The following GPR180 variants were observed in gnomAD, a reference collection of about 807,000 sequenced individuals.
GPR180 encodes G protein-coupled receptor 180.
GPR180 carries 53 observed loss-of-function variants against 52.6 expected under a neutral mutation model. The ratio of observed to expected loss-of-function variants is 1.01; its 90% CI spans 0.81 to 1.27. The LOEUF (loss-of-function observed/expected upper bound fraction) is 1.27, where lower values mean the gene tolerates loss of function less well. Among genes scored for constraint, GPR180 ranks in the 50% most tolerant of loss-of-function variants. The pLI is 0.00. For synonymous variants in GPR180, 200 were observed against 193.1 expected (o/e 1.04, Z -0.30); for missense variants, 533 against 527.0 (o/e 1.01, Z -0.11).
In GPR180 at chr13:94,633,743, A is replaced by T. The variant is rs1345078050; in HGVS notation, c.*6572A>T. 6.7e-6 allele frequency: 1 copy of T among 148,994 alleles called. No individual in the cohort carries two copies. Among genetic ancestry groups the T allele is most frequent in the Non-Finnish European group, 1.5e-5 (1 of 67,176 alleles). The allele number at this position is 148,994 out of a possible 1,614,324, so 9.2% of individuals were successfully genotyped here. On this transcript the variant is annotated 3_prime_UTR_variant, in exon 9 of 9. Coordinates refer to ENST00000376958, the MANE Select transcript of GPR180 (RefSeq NM_180989.6). ...CTTTCATTTTTTTCTTCTGTGTTCT[A>T]CCTGTTTCACAGGTAGAAAAGCCTT...
intron 3 of GPR180, among the ~76,000 whole-genome samples, chr13:94,615,843 C>T (rs528374465): frequency 1.3e-5 from 2 of 152,282 alleles, no homozygotes; most frequent in Admixed American, 6.5e-5. Flanking sequence ...CTCCATGTCC[C>T]AAAAGACAAT....
chr13:94,609,935 C>T (rs925623730), intron 2 of GPR180, among the ~76,000 whole-genome samples: 3 of 152,120 alleles, frequency 2.0e-5, no homozygotes, highest in Non-Finnish European at 4.4e-5. Context: ...TTCCTAAAGA[C>T]AACCTATAAA....
rs1026075605 is a variant in GPR180, at chr13:94,630,581, A to G, written c.*3410A>G. On this transcript the variant is annotated 3_prime_UTR_variant, in exon 9 of 9. Transcript: ENST00000376958. ...CTCATTACTATGTTCTGCAAGGCCC[A>G]TATGATCTGGTTATCTCTTAATTTG... 6.6e-6 allele frequency: 1 copy of G among 152,234 alleles called. No homozygotes were observed. Among genetic ancestry groups the G allele is most frequent in the African/African-American group, 2.4e-5 (1 of 41,462 alleles). 9.4% of individuals were successfully genotyped at this position (152,234 alleles called of 1,614,324 possible).
chr13:94,610,846 A>G (rs541743775), intron 2 of GPR180, among the ~76,000 whole-genome samples: 1 of 152,204 alleles, frequency 6.6e-6, no homozygotes, highest in Non-Finnish European at 1.5e-5. Flanking sequence ...TTGTGACAAA[A>G]AACTATCCCC....
chr13:94,605,391 G>C lies in GPR180; in HGVS notation c.146G>C (p.Gly49Ala). 6.2e-7 allele frequency: 1 copy of C among 1,613,766 alleles called. No individual in the cohort carries two copies. Among genetic ancestry groups the C allele is most frequent in the Non-Finnish European group, 8.5e-7 (1 of 1,179,912 alleles). ...GQRIGHFEFH[G>A]DHALLCVRIN... ...TGATGATTTTTGTTTTAATGTCAAG[G>C]TGACCATGCTCTTCTGTGTGTCAGA... The change falls in exon 2 of 9, where the codon GGT (glycine) becomes GCT (alanine). Residue 49 changes from glycine (G) to alanine (A), a missense_variant and splice_region_variant. Coordinates refer to ENST00000376958, the MANE Select transcript of GPR180 (RefSeq NM_180989.6).
intron 7 of GPR180, among the ~76,000 whole-genome samples, chr13:94,624,492 G>C (rs1889895996): frequency 6.6e-6 from 1 of 152,210 alleles, no homozygotes; most frequent in Non-Finnish European, 1.5e-5. Flanking sequence ...AGGGACAGTA[G>C]TGCTTATTGT....
rs117543474 is a variant in GPR180, at chr13:94,615,978, A to G, written c.506-3172A>G. ...ACTGTAATGAAATGAATTATCTTAC[A>G]TAACAAGAAGTTTTGCGGCTTCTCC... On this transcript the variant is annotated intron_variant, in intron 3 of 8. Transcript: ENST00000376958. 6.4e-3 allele frequency among the ~76,000 whole-genome samples: 979 copies of G among 152,334 alleles called. 2 individuals carry two copies. The highest frequency in any genetic ancestry group is 0.011 in the Non-Finnish European group (716 of 68,030).
chr13:94,615,202 T>G (rs1566979088), intron 3 of GPR180, among the ~76,000 whole-genome samples: 1 of 152,250 alleles, frequency 6.6e-6, no homozygotes, highest in African/African-American at 2.4e-5. Flanking sequence ...AGTAATGTGT[T>G]TTAAAATACA....
At chr13:94,619,754 G>A (rs764163761) in intron 5 of GPR180, among the ~76,000 whole-genome samples, 1 of 152,118 alleles carries the variant, frequency 6.6e-6, no homozygotes, top group East Asian at 1.9e-4. Context: ...TTCTTACTCC[G>A]TAGCCCAGGC....
chr13:94,622,890 A>T (rs1889869639), intron 6 of GPR180, among the ~76,000 whole-genome samples: 1 of 152,188 alleles, frequency 6.6e-6, no homozygotes, highest in Non-Finnish European at 1.5e-5. Flanking sequence ...AGAATTTTTT[A>T]AAAATCTCTT....
intron 8 of GPR180, among the ~76,000 whole-genome samples, chr13:94,626,792 A>G (rs895959813): frequency 1.3e-5 from 2 of 152,088 alleles, no homozygotes; most frequent in Admixed American, 6.6e-5. Context: ...TTTGTGCCTT[A>G]CTTTGTCATC....
intron 1 of GPR180, among the ~76,000 whole-genome samples, chr13:94,605,075 TATAAA>T (rs1293086280): frequency 1.3e-5 from 2 of 152,138 alleles, no homozygotes; most frequent in African/African-American, 4.8e-5. Flanking sequence ...ATGAATAAAA[TATAAA>T]ATGTGAAGTG....
intron 3 of GPR180, among the ~76,000 whole-genome samples, chr13:94,613,838 G>C (rs1416200390): frequency 2.7e-5 from 4 of 150,546 alleles, no homozygotes; most frequent in Non-Finnish European, 5.9e-5. Flanking sequence ...GCATTGAATG[G>C]ATGGTTGGAC....
chr13:94,627,331 A>G lies in GPR180; in HGVS notation c.*160A>G. On this transcript the variant is annotated 3_prime_UTR_variant, in exon 9 of 9. Transcript: ENST00000376958. The stretch of plus-strand genomic sequence containing the variant: ...GCATTTAAGCAGTACCAAGACTGAA[A>G]AAAAAGGTAATAAATGAAATGTTTT... The G allele has an allele frequency of 2.0e-6, 1 of 511,484 alleles. No individual in the cohort carries two copies. Among genetic ancestry groups the G allele is most frequent in the Non-Finnish European group, 3.4e-6 (1 of 297,932 alleles). The allele number at this position is 511,484 out of a possible 1,614,324, so 31.7% of individuals were successfully genotyped here.
chr13:94,626,344 A>C (rs1889928722), intron 8 of GPR180, among the ~76,000 whole-genome samples: 1 of 152,134 alleles, frequency 6.6e-6, no homozygotes, highest in South Asian at 2.1e-4. Context: ...AATGATTAAA[A>C]TTTTTCTTAC....
chr13:94,623,398 C>T, intron 7 of GPR180, 98 bp downstream of exon 7: 2 of 976,242 alleles, frequency 2.0e-6, no homozygotes, highest in Non-Finnish European at 3.1e-6. Context: ...TTTTATTAAA[C>T]TTCTGGGTTG....
chr13:94,621,144 T>G lies in GPR180; in HGVS notation c.803T>G (p.Ile268Arg), dbSNP rs1170647692. ...TTGAGTCTATGCATGGGTTGGACAA[T>G]AGTCAGAATGAAGAAGTCTCAAAGC... is the stretch of plus-strand genomic sequence containing the variant. ...LLLSLCMGWT[I>R]VRMKKSQSRP... The change falls in exon 6 of 9, where the codon ATA becomes AGA. Residue 268 changes from isoleucine (I) to arginine (R), a missense_variant. Coordinates refer to ENST00000376958, the MANE Select transcript of GPR180 (RefSeq NM_180989.6). 1 of 1,612,758 alleles carries G rather than the reference T, an allele frequency of 6.2e-7. No homozygotes were observed. Among genetic ancestry groups the G allele is most frequent in the African/African-American group, 1.3e-5 (1 of 75,024 alleles).
intron 3 of GPR180, among the ~76,000 whole-genome samples, 190 bp from the exon 4 acceptor site, chr13:94,618,960 A>T (rs1224762399): frequency 6.6e-6 from 1 of 152,182 alleles, no homozygotes; most frequent in East Asian, 1.9e-4. Flanking sequence ...GCTTTCTTGT[A>T]GTTAAAATTT....
intron 5 of GPR180, 132 bp downstream of exon 5, chr13:94,619,649 GTTTAAGTT>G: frequency 1.4e-6 from 1 of 729,976 alleles, no homozygotes; most frequent in South Asian, 1.8e-5. Flanking sequence ...CAGGATTACA[GTTTAAGTT>G]CCCATATGTC....
Sources: allele counts gnomAD v4.1 joint callset (sites outside exome capture counted in the v4.1 genomes callset), GRCh38; gene constraint gnomAD v4.1.1; transcripts MANE v1.5; gene names NCBI Gene and HGNC (gene_info 2026-07-23, HGNC 2026-07-21).